ABL2: variants seen among roughly 807,000 people sequenced by gnomAD.
ABL2 encodes the protein tyrosine-protein kinase ABL2.
A neutral mutation model predicts 107.7 loss-of-function variants in ABL2; 49 were observed. The ratio of observed to expected loss-of-function variants is 0.45; its 90% CI spans 0.36 to 0.58. The LOEUF is 0.58. Ranked by LOEUF, ABL2 falls within the 20% of genes least tolerant of loss-of-function variation. ABL2 has a pLI of 0.00. For synonymous variants in ABL2, 549 were observed against 548.6 expected (o/e 1.00, Z -0.01); for missense variants, 1,245 against 1,457.0 (o/e 0.85, Z 2.37).
chr1:179,212,665 G>A lies in ABL2; in HGVS notation c.157+16576C>T, dbSNP rs369968914. 1.5e-4 allele frequency among the ~76,000 whole-genome samples: 23 copies of A among 151,826 alleles called. No individual in the cohort carries two copies. The East Asian group carries it at 3.3e-3, about 22-fold the overall frequency. On this transcript the variant is annotated intron_variant, in intron 1 of 11. Transcript: ENST00000502732. ...GGAGAATTGCTTGAACTCGGGAGGCGGAGGTTGTGGTGAGCCAAGATCGTG... is the reference window on the plus strand; with the variant it reads ...GGAGAATTGCTTGAACTCGGGAGGCAGAGGTTGTGGTGAGCCAAGATCGTG...
chr1:179,133,424 A>T, intron 1 of ABL2, 50 bp from the exon 2 acceptor site: 1 of 1,613,782 alleles, frequency 6.2e-7, no homozygotes, highest in Non-Finnish European at 8.5e-7. Context: ...CTTCTTCAAT[A>T]GTTTAACATC....
chr1:179,105,942 T>C lies in ABL2; in HGVS notation c.*1776A>G. On this transcript the variant is annotated 3_prime_UTR_variant, in exon 12 of 12. Transcript: ENST00000502732. ...CTTTCCAGAGAGGCTCTCCAAGGGA[T>C]AGCTGCACACTTACTTGCAACACCC... is the stretch of plus-strand genomic sequence containing the variant. 4.5e-6 allele frequency: 1 copy of C among 223,466 alleles called. No individual in the cohort carries two copies. The highest frequency in any genetic ancestry group is 6.5e-5 in the East Asian group (1 of 15,374). 13.8% of individuals were successfully genotyped at this position (223,466 alleles called of 1,614,324 possible).
chr1:179,202,092 TAAAAA>T (rs34598446), intron 1 of ABL2, among the ~76,000 whole-genome samples: 1 of 148,416 alleles, frequency 6.7e-6, no homozygotes, highest in Non-Finnish European at 1.5e-5. Context: ...TTAAAGATAG[TAAAAA>T]AAAAAAATAA....
At chr1:179,219,826 C>T (rs1662775926) in intron 1 of ABL2, among the ~76,000 whole-genome samples, 1 of 152,220 alleles carries the variant, frequency 6.6e-6, no homozygotes, top group Admixed American at 6.5e-5. Flanking sequence ...TACACTTTGG[C>T]ATGCCATCAC....
At chr1:179,134,070 T>C (rs1656608466) in intron 1 of ABL2, among the ~76,000 whole-genome samples, 1 of 152,228 alleles carries the variant, frequency 6.6e-6, no homozygotes, top group South Asian at 2.1e-4. Context: ...ACATTCTACG[T>C]ATGTTTGTTC....
At chr1:179,176,429 G>T (rs1660048664) in intron 1 of ABL2, among the ~76,000 whole-genome samples, 1 of 151,992 alleles carries the variant, frequency 6.6e-6, no homozygotes, top group Non-Finnish European at 1.5e-5. Flanking sequence ...ATTATACATT[G>T]TATTCCTGTA....
intron 1 of ABL2, among the ~76,000 whole-genome samples, chr1:179,170,719 C>T (rs1312604291): frequency 6.6e-6 from 1 of 152,144 alleles, no homozygotes; most frequent in Admixed American, 6.6e-5. Flanking sequence ...TTCAGCCTCC[C>T]GAGTAGCTGG....
chr1:179,181,946 A>ATTTTTTTTTTT (rs34828452), intron 1 of ABL2, among the ~76,000 whole-genome samples: 690 of 91,170 alleles, frequency 7.6e-3, no homozygotes, highest in Non-Finnish European at 8.6e-3. Flanking sequence ...AGGCCCGGCT[A>ATTTTTTTTTTT]TTTTTTTTTT....
Position 179,107,645 on chromosome 1 carries a change from A to G in ABL2, c.*73T>C. ...ATGAGTCTTTCATTTTCTGAAAACA[A>G]GAACACAGGAAAACAAGTCCTTTTC... On this transcript the variant is annotated 3_prime_UTR_variant, in exon 12 of 12. Transcript: ENST00000502732. The G allele has an allele frequency of 2.0e-6, 3 of 1,520,368 alleles. No homozygotes were observed. The highest frequency in any genetic ancestry group is 2.6e-6 in the Non-Finnish European group (3 of 1,136,076). 94.2% of individuals were successfully genotyped at this position (1,520,368 alleles called of 1,614,324 possible).
At position 179,104,068 on chromosome 1, in the gene ABL2, A is replaced by C. The variant is rs1018283084; in HGVS notation, c.*3650T>G. ...TTTGTTTGTTTTGTTTTGTTTTTTA[A>C]CCCTAGGGGATTCTGCTGTGCATCC... On this transcript the variant is annotated 3_prime_UTR_variant, in exon 12 of 12. Transcript: ENST00000502732. 4.3e-6 allele frequency: 1 copy of C among 232,858 alleles called. No individual in the cohort carries two copies. Among genetic ancestry groups the C allele is most frequent in the Non-Finnish European group, 8.5e-6 (1 of 117,792 alleles). The allele number at this position is 232,858 out of a possible 1,614,324, so 14.4% of individuals were successfully genotyped here.
chr1:179,220,755 G>T (rs1224703325), intron 1 of ABL2, among the ~76,000 whole-genome samples: 1 of 152,226 alleles, frequency 6.6e-6, no homozygotes, highest in Non-Finnish European at 1.5e-5. Context: ...ACTGCTGAAT[G>T]TTCAACTGGT....
intron 1 of ABL2, among the ~76,000 whole-genome samples, chr1:179,141,866 A>G (rs1020807225): frequency 2.6e-4 from 40 of 152,268 alleles, no homozygotes; most frequent in African/African-American, 9.4e-4. Flanking sequence ...GAAGCTAAGA[A>G]CGAACATATT....
At chr1:179,193,711 T>C (rs1661144484) in intron 1 of ABL2, among the ~76,000 whole-genome samples, 1 of 151,518 alleles carries the variant, frequency 6.6e-6, no homozygotes, top group Non-Finnish European at 1.5e-5. Context: ...TGGCCTAATT[T>C]TTTGTTGCTG....
intron 1 of ABL2, among the ~76,000 whole-genome samples, chr1:179,180,889 C>T (rs1328067449): frequency 2.6e-5 from 4 of 152,086 alleles, no homozygotes; most frequent in South Asian, 2.1e-4. Flanking sequence ...CTTCCAAGTC[C>T]GCCCCCTACC....
chr1:179,190,764 A>T (rs1365868891), intron 1 of ABL2, among the ~76,000 whole-genome samples: 1 of 152,154 alleles, frequency 6.6e-6, no homozygotes, highest in Non-Finnish European at 1.5e-5. Context: ...TCTAATCACC[A>T]GTGAGAGTCC....
intron 1 of ABL2, among the ~76,000 whole-genome samples, chr1:179,142,406 G>C (rs1164706404): frequency 6.6e-6 from 1 of 152,044 alleles, no homozygotes; most frequent in African/African-American, 2.4e-5. Flanking sequence ...AACTGAAATT[G>C]AGAAAATTCC....
At position 179,100,051 on chromosome 1, in the gene ABL2, A is replaced by G. The variant is rs1285167551; in HGVS notation, c.*7667T>C. The G allele has an allele frequency of 1.3e-5, 3 of 231,880 alleles. No homozygotes were observed. Among genetic ancestry groups the G allele is most frequent in the Non-Finnish European group, 2.6e-5 (3 of 117,276 alleles). The allele number at this position is 231,880 out of a possible 1,614,324, so 14.4% of individuals were successfully genotyped here. On this transcript the variant is annotated 3_prime_UTR_variant, in exon 12 of 12. Coordinates refer to ENST00000502732, the MANE Select transcript of ABL2 (RefSeq NM_007314.4). The stretch of plus-strand genomic sequence containing the variant: ...TTATGGACACAAACACACACCAGCT[A>G]TACAGATCTGAGATGAGAGGGTTTT...
intron 2 of ABL2, among the ~76,000 whole-genome samples, 187 bp from the exon 3 acceptor site, chr1:179,131,668 G>A (rs1656346182): frequency 6.6e-6 from 1 of 152,178 alleles, no homozygotes; most frequent in Non-Finnish European, 1.5e-5. Flanking sequence ...CAATTTACTT[G>A]TTGAAAATGT....
Position 179,126,534 on chromosome 1 carries a change from G to A in ABL2, c.530C>T (p.Pro177Leu), listed in dbSNP as rs766361129. 1.9e-6 allele frequency: 3 copies of A among 1,614,134 alleles called. No homozygotes were observed. Among genetic ancestry groups the A allele is most frequent in the Non-Finnish European group, 2.5e-6 (3 of 1,180,038 alleles). ...ATACTCAGCTGCACTGCGTGACACA[G>A]GTCCATGGTACCAGGAGTGTTTTTC... ...SLEKHSWYHG[P>L]VSRSAAEYLL... The change falls in exon 4 of 12, where the codon CCT (proline) becomes CTT (leucine). Residue 177 changes from proline to leucine, a missense_variant. This residue lies in a region of ABL2 where 320 missense variants were observed against 547.0 expected (regional missense o/e 0.59). Coordinates refer to ENST00000502732, the MANE Select transcript of ABL2 (RefSeq NM_007314.4). The surrounding 1 kb of genome is among the most constrained non-coding windows in gnomAD (Gnocchi z 4.4).
Sources: gnomAD v4.1 joint callset for allele counts (sites outside exome capture counted in the v4.1 genomes callset) on GRCh38, gnomAD v4.1.1 for gene constraint, gnomAD v4.1.1 regional missense constraint, Gnocchi (gnomAD v3.1) non-coding constraint, MANE v1.5 for transcripts, NCBI Gene and HGNC (gene_info 2026-07-23, HGNC 2026-07-21) for gene names.